CHN2: variants seen among roughly 807,000 people sequenced by gnomAD.
The protein encoded by CHN2 is beta-chimaerin.
CHN2 carries 35 observed loss-of-function variants against 56.3 expected under a neutral mutation model. That is an observed-to-expected ratio of 0.62 (90% CI 0.47 to 0.82). The LOEUF is 0.82. CHN2 is among the 40% of genes least tolerant of loss of function. CHN2 has a pLI of 0.00. For synonymous variants in CHN2, 210 were observed against 212.8 expected (o/e 0.99, Z 0.12); for missense variants, 491 against 580.5 (o/e 0.85, Z 1.58).
chr7:29,480,795 C>T (rs1787114218), intron 7 of CHN2, among the ~76,000 whole-genome samples: 2 of 152,204 alleles, frequency 1.3e-5, no homozygotes, highest in African/African-American at 4.8e-5. Flanking sequence ...TTCAGTGATG[C>T]TAACTCCTTT....
intron 2 of CHN2, among the ~76,000 whole-genome samples, chr7:29,362,840 G>A (rs1249452938): frequency 2.0e-5 from 3 of 152,164 alleles, no homozygotes; most frequent in African/African-American, 7.2e-5. Flanking sequence ...GTGTCTCCAT[G>A]CATGTCCCCC....
chr7:29,211,976 GCAT>G (rs1297560136), intron 1 of CHN2, among the ~76,000 whole-genome samples: 1 of 152,042 alleles, frequency 6.6e-6, no homozygotes, highest in Admixed American at 6.5e-5. Flanking sequence ...AACAATGATC[GCAT>G]CATAGCCTGG....
intron 6 of CHN2, among the ~76,000 whole-genome samples, chr7:29,472,336 C>T (rs1044212406): frequency 6.6e-6 from 1 of 152,010 alleles, no homozygotes. Flanking sequence ...AGGTAGTAGG[C>T]ATACCCTTAG....
At chr7:29,318,581 G>A (rs1044705523) in intron 1 of CHN2, among the ~76,000 whole-genome samples, 35 of 152,192 alleles carry the variant, frequency 2.3e-4, no homozygotes, top group Admixed American at 1.9e-3. Flanking sequence ...TTCTTCACAG[G>A]CTCTTATTGC....
At chr7:29,423,064 C>T (rs1293989304) in intron 6 of CHN2, among the ~76,000 whole-genome samples, 3 of 152,152 alleles carry the variant, frequency 2.0e-5, no homozygotes, top group Admixed American at 1.3e-4. Context: ...CCTATCAAAG[C>T]GTTATATAAA....
intron 1 of CHN2, among the ~76,000 whole-genome samples, chr7:29,308,766 G>T (rs746412658): frequency 1.3e-5 from 2 of 152,172 alleles, no homozygotes; most frequent in African/African-American, 4.8e-5. Flanking sequence ...GCCCTGTTCT[G>T]CCCTTCCTCA....
intron 6 of CHN2, among the ~76,000 whole-genome samples, chr7:29,414,063 G>C (rs1414731482): frequency 3.3e-5 from 5 of 152,066 alleles, no homozygotes; most frequent in Admixed American, 3.3e-4. Context: ...AAAAGGATTG[G>C]GCAATACTAT....
chr7:29,269,618 G>A (rs566592504), intron 1 of CHN2, among the ~76,000 whole-genome samples: 1 of 152,294 alleles, frequency 6.6e-6, no homozygotes, highest in African/African-American at 2.4e-5. Flanking sequence ...GTTTTTTGAG[G>A]AAACTTCATG....
At chr7:29,247,028 T>C (rs1478452181) in intron 1 of CHN2, among the ~76,000 whole-genome samples, 1 of 152,150 alleles carries the variant, frequency 6.6e-6, no homozygotes, top group East Asian at 1.9e-4. Flanking sequence ...CCTTGTATTG[T>C]ATGAGATCAG....
At position 29,165,125 on chromosome 7, in the gene CHN2, A is replaced by C. The variant is rs377310062; in HGVS notation, c.274+18165A>C. On this transcript the variant is annotated intron_variant, in intron 2 of 6. Coordinates refer to the CHN2 transcript ENST00000439384. ...GATTTTTTTATTGGCATTGCATTTA[A>C]TCTAAAGATCAATGTGGGGAGAATA... is the stretch of plus-strand genomic sequence containing the variant. 3.5e-4 allele frequency among the ~76,000 whole-genome samples: 54 copies of C among 152,292 alleles called. No individual in the cohort carries two copies. The South Asian group carries it at 4.4e-3, about 12-fold the overall frequency.
upstream of CHN2, among the ~76,000 whole-genome samples, chr7:29,190,354 G>T (rs564107421): frequency 4.6e-4 from 70 of 152,248 alleles, no homozygotes; most frequent in Admixed American, 1.2e-3. Flanking sequence ...TGAAAGTAAG[G>T]AATACAGTAT....
At chr7:29,177,026 G>A (rs948159368) in intron 2 of CHN2, among the ~76,000 whole-genome samples, 27 of 152,044 alleles carry the variant, frequency 1.8e-4, no homozygotes, top group African/African-American at 6.3e-4. Flanking sequence ...GCAAGAAAGA[G>A]AGGGGAAAAA....
intron 1 of CHN2, among the ~76,000 whole-genome samples, chr7:29,297,300 C>G (rs554550529): frequency 2.0e-5 from 3 of 152,118 alleles, no homozygotes; most frequent in Admixed American, 6.5e-5. Context: ...TTCTGGGGAC[C>G]CCTTTACACC....
intron 1 of CHN2, among the ~76,000 whole-genome samples, chr7:29,271,474 G>T (rs1214152569): frequency 6.6e-6 from 1 of 152,192 alleles, no homozygotes; most frequent in African/African-American, 2.4e-5. Context: ...TGGGCTGGGT[G>T]TCTGTTTGGC....
At chr7:29,218,802 G>A (rs1785539387) in intron 1 of CHN2, among the ~76,000 whole-genome samples, 1 of 130,178 alleles carries the variant, frequency 7.7e-6, no homozygotes, top group African/African-American at 2.9e-5. Flanking sequence ...AGGGACTGTT[G>A]TGGGGTGGGG....
intron 1 of CHN2, among the ~76,000 whole-genome samples, chr7:29,348,135 C>T (rs1022583246): frequency 2.6e-5 from 4 of 152,162 alleles, no homozygotes; most frequent in African/African-American, 9.7e-5. Context: ...TTGCTGTGCT[C>T]TTGAACCAGG....
chr7:29,495,318 C>G (rs1292627890), intron 7 of CHN2, among the ~76,000 whole-genome samples: 4 of 152,136 alleles, frequency 2.6e-5, no homozygotes, highest in African/African-American at 9.7e-5. Flanking sequence ...GAGACCAGCA[C>G]TTTGGTCAAC....
intron 2 of CHN2, among the ~76,000 whole-genome samples, chr7:29,157,685 C>T (rs1001478668): frequency 4.6e-5 from 7 of 152,246 alleles, no homozygotes; most frequent in African/African-American, 1.7e-4. Flanking sequence ...TACTCCCCTT[C>T]ACCAGTGAAA....
chr7:29,172,934 C>A (rs1338629546), intron 2 of CHN2, among the ~76,000 whole-genome samples: 2 of 151,838 alleles, frequency 1.3e-5, no homozygotes, highest in Admixed American at 1.3e-4. Flanking sequence ...AGTTTGAGAC[C>A]AGCGTGGCCA....
Sources: allele counts gnomAD v4.1 joint callset (sites outside exome capture counted in the v4.1 genomes callset), GRCh38; gene constraint gnomAD v4.1.1; transcripts MANE v1.5; gene names NCBI Gene and HGNC (gene_info 2026-07-23, HGNC 2026-07-21).